The following RPAP1 variants were observed in gnomAD, a reference collection of about 807,000 sequenced individuals.
RPAP1 encodes RNA polymerase II-associated protein 1.
In RPAP1, 109 loss-of-function variants were observed where a neutral mutation model predicts 142.4. That is an observed-to-expected ratio of 0.77 (90% CI 0.66 to 0.90). The LOEUF (loss-of-function observed/expected upper bound fraction) is 0.90. Among genes scored for constraint, RPAP1 ranks in the 40% least tolerant of loss-of-function variants. RPAP1 has a pLI of 0.00. For synonymous variants in RPAP1, 704 were observed against 738.9 expected (o/e 0.95, Z 0.77); for missense variants, 1,546 against 1,751.7 (o/e 0.88, Z 2.10).
At position 41,534,697 on chromosome 15, in the gene RPAP1, A is replaced by C. The variant is rs535113174; in HGVS notation, c.763+17T>G. The C allele has an allele frequency of 1.9e-6, 3 of 1,608,102 alleles. No individual in the cohort carries two copies. In the South Asian group the frequency reaches 3.3e-5, roughly 18 times the overall value. On this transcript the variant is annotated intron_variant, in intron 6 of 24. Coordinates refer to ENST00000304330, the MANE Select transcript of RPAP1 (RefSeq NM_015540.4). The stretch of plus-strand genomic sequence containing the variant: ...CTCTCCTAGCCTGGTCTCAGCAGGA[A>C]AGCCAGGCACCCATACCAAGCTGGG...
intron 14 of RPAP1, among the ~76,000 whole-genome samples, chr15:41,526,325 G>A (rs1167991919): frequency 6.6e-6 from 1 of 152,196 alleles, no homozygotes; most frequent in Non-Finnish European, 1.5e-5. Context: ...CCAGCCCACT[G>A]CAGCCTCCAC....
intron 19 of RPAP1, 49 bp downstream of exon 19, chr15:41,522,716 T>C: frequency 1.7e-6 from 1 of 580,756 alleles, no homozygotes; most frequent in South Asian, 1.7e-5. Context: ...TTCTGATTCC[T>C]GCCATCTTGG....
In RPAP1 at chr15:41,534,864, G is replaced by C. The variant is rs201854770; in HGVS notation, c.613C>G (p.Gln205Glu). ...TTCCCTGTGACCAGATTGGGTCCCT[G>C]AAAGCTGTGGCTGCTCCCAGGAAGC... Reference protein sequence around the residue: ...CQLPGSSHSFQGPNLVTGKGL... With the variant: ...CQLPGSSHSFEGPNLVTGKGL... The change falls in exon 6 of 25, where the codon CAG (glutamine) becomes GAG (glutamate). Residue 205 changes from glutamine (Q) to glutamate (E), a missense_variant. Transcript: ENST00000304330. The C allele has an allele frequency of 5.6e-6, 9 of 1,614,090 alleles. 1 individual carries two copies. The South Asian group carries it at 9.9e-5, about 18-fold the overall frequency.
intron 9 of RPAP1, among the ~76,000 whole-genome samples, chr15:41,528,926 T>C (rs1322944575): frequency 6.7e-6 from 1 of 150,206 alleles, no homozygotes; most frequent in African/African-American, 2.5e-5. Flanking sequence ...GGGCGGAGAA[T>C]GGAGGGCATG....
At chr15:41,521,622 G>A in intron 21 of RPAP1, 116 bp downstream of exon 21, 1 of 1,162,040 alleles carries the variant, frequency 8.6e-7, no homozygotes, top group Non-Finnish European at 1.2e-6. Flanking sequence ...AGAGTTAAGT[G>A]TCGTCGGTGG....
At chr15:41,527,669 A>G (rs2051807936) in intron 11 of RPAP1, 64 bp from the exon 12 acceptor site, 1 of 1,522,704 alleles carries the variant, frequency 6.6e-7, no homozygotes, top group Admixed American at 2.2e-5. Flanking sequence ...CCAGGAGTAG[A>G]GAGGATGCTC....
chr15:41,523,563 G>A (rs993971396), intron 17 of RPAP1, among the ~76,000 whole-genome samples: 18 of 152,346 alleles, frequency 1.2e-4, no homozygotes, highest in African/African-American at 3.6e-4. Context: ...GAGCTGCTGC[G>A]TGGGCTCTCT....
chr15:41,532,467 C>A (rs987313323), intron 6 of RPAP1, among the ~76,000 whole-genome samples: 3 of 152,122 alleles, frequency 2.0e-5, no homozygotes, highest in African/African-American at 7.2e-5. Context: ...TGAGCCCTAA[C>A]ACGTATTATA....
rs913407598 is a variant in RPAP1 at position 41,521,283 on chromosome 15, G to A, written c.3039-136C>T. On this transcript the variant is annotated intron_variant, in intron 21 of 24. Coordinates refer to ENST00000304330, the MANE Select transcript of RPAP1 (RefSeq NM_015540.4). ...TGCTCCCTTAACTACTTCCCGCGCAGTGCTGTGTAGCAGTTAAGAGGATGC... is the reference window on the plus strand; with the variant it reads ...TGCTCCCTTAACTACTTCCCGCGCAATGCTGTGTAGCAGTTAAGAGGATGC... 3.2e-5 allele frequency: 27 copies of A among 840,656 alleles called. 1 individual carries two copies. The East Asian group carries it at 7.0e-4, about 22-fold the overall frequency. The allele number at this position is 840,656 out of a possible 1,614,324, so 52.1% of individuals were successfully genotyped here. A position where few individuals can be genotyped will look rare whatever the true frequency, so the allele number is the denominator to read the frequency against.
chr15:41,517,206 T>G lies in RPAP1; in HGVS notation c.*336A>C, dbSNP rs2051672832. The G allele has an allele frequency of 5.4e-6, 1 of 184,516 alleles. No homozygotes were observed. The highest frequency in any genetic ancestry group is 2.3e-5 in the African/African-American group (1 of 42,594). The allele number at this position is 184,516 out of a possible 1,614,324, so 11.4% of individuals were successfully genotyped here. A position where few individuals can be genotyped will look rare whatever the true frequency, so the allele number is the denominator to read the frequency against. On this transcript the variant is annotated 3_prime_UTR_variant, in exon 25 of 25. Coordinates refer to ENST00000304330, the MANE Select transcript of RPAP1 (RefSeq NM_015540.4). ...AGGAGATAAAAAACATTTATTTTAA[T>G]GCACAACTATAGCATTCATATGCCT...
In RPAP1 at chr15:41,522,680, G is replaced by A. The variant is rs566389195; in HGVS notation, c.2742+85C>T. On this transcript the variant is annotated intron_variant, in intron 19 of 24. Transcript: ENST00000304330. ...GCTGGGATTACAGGCGTGAGCCACC[G>A]CGCCCATCCCACCCTCCCACTTTCT... 2.8e-5 allele frequency: 29 copies of A among 1,037,154 alleles called. No individual in the cohort carries two copies. In the Middle Eastern group the frequency reaches 1.1e-3, roughly 41 times the overall value. The allele number at this position is 1,037,154 out of a possible 1,614,324, so 64.2% of individuals were successfully genotyped here.
intron 9 of RPAP1, 45 bp downstream of exon 9, chr15:41,529,425 G>C (rs761908118): frequency 5.5e-6 from 7 of 1,276,740 alleles, no homozygotes; most frequent in Non-Finnish European, 6.8e-6. Flanking sequence ...TTTTCCATGG[G>C]GTTGTTAAAA....
chr15:41,522,339 G>A, intron 19 of RPAP1, 89 bp from the exon 20 acceptor site: 1 of 1,291,942 alleles, frequency 7.7e-7, no homozygotes, highest in Non-Finnish European at 1.1e-6. Context: ...CAGACTCAGG[G>A]AAATGAGTGC....
chr15:41,536,390 A>G (rs967452933), intron 3 of RPAP1, 111 bp downstream of exon 3: 33 of 1,459,418 alleles, frequency 2.3e-5, no homozygotes, highest in Non-Finnish European at 2.9e-5. Flanking sequence ...CTCAGGGGTA[A>G]AAGTCTACCT....
rs867116924 is a variant in RPAP1, at chr15:41,531,609, A to G, written c.764-407T>C. Among the ~76,000 whole-genome samples the G allele has an allele frequency of 2.3e-3, 51 of 21,840 alleles. 2 individuals carry two copies. In the South Asian group the frequency reaches 0.043, roughly 18 times the overall value. 14.3% of individuals were successfully genotyped at this position (21,840 alleles called of 152,430 possible). A position where few individuals can be genotyped will look rare whatever the true frequency, so the allele number is the denominator to read the frequency against. The stretch of plus-strand genomic sequence containing the variant: ...TATTTATGCACACACACATATATAT[A>G]TATATATATATATATATATTTTTTT... On this transcript the variant is annotated intron_variant, in intron 6 of 24. Coordinates refer to ENST00000304330, the MANE Select transcript of RPAP1 (RefSeq NM_015540.4).
intron 14 of RPAP1, 47 bp from the exon 15 acceptor site, chr15:41,525,195 A>G (rs979565848): frequency 6.5e-7 from 1 of 1,533,394 alleles, no homozygotes; most frequent in African/African-American, 1.4e-5. Flanking sequence ...GTGAGTCTCA[A>G]GTCCAGCTAC....
At chr15:41,539,160 G>C (rs140720100) in intron 1 of RPAP1, among the ~76,000 whole-genome samples, 2 of 152,210 alleles carry the variant, frequency 1.3e-5, no homozygotes, top group Admixed American at 6.5e-5. Context: ...CCAGGCTGGA[G>C]TGCAGTAGCG....
chr15:41,534,524 T>C (rs547724839), intron 6 of RPAP1, among the ~76,000 whole-genome samples, 190 bp downstream of exon 6: 1 of 136,094 alleles, frequency 7.3e-6, no homozygotes, highest in South Asian at 2.3e-4. Context: ...AGGTGGAGGT[T>C]GCAGTGAGCC....
intron 1 of RPAP1, among the ~76,000 whole-genome samples, chr15:41,542,923 G>A (rs1055828122): frequency 1.5e-5 from 2 of 133,434 alleles, no homozygotes; most frequent in Non-Finnish European, 3.2e-5. Context: ...AGGCCCTAAG[G>A]AAGGCTGAAC....
Sources: allele counts gnomAD v4.1 joint callset (sites outside exome capture counted in the v4.1 genomes callset), GRCh38; gene constraint gnomAD v4.1.1; transcripts MANE v1.5; gene names NCBI Gene and HGNC (gene_info 2026-07-23, HGNC 2026-07-21).